SCN3A: variants seen among roughly 807,000 people sequenced by gnomAD.
SCN3A encodes sodium channel protein type 3 subunit alpha.
In SCN3A, 60 loss-of-function variants were observed where a neutral mutation model predicts 187.6. The observed-to-expected ratio is 0.32, with a 90% confidence interval of 0.26 to 0.40. SCN3A has a LOEUF of 0.40. Among genes scored for constraint, SCN3A ranks in the 10% least tolerant of loss-of-function variants. SCN3A has a pLI of 1.00. For missense variants in SCN3A, 1,601 were observed against 2,428.2 expected (o/e 0.66, Z 7.16); for synonymous variants, 788 against 829.2 (o/e 0.95, Z 0.85).
At chr2:165,095,727 G>A (rs918294331) in intron 24 of SCN3A, 79 bp from the exon 25 acceptor site, 39 of 850,666 alleles carry the variant, frequency 4.6e-5, no homozygotes, top group South Asian at 4.5e-4. Context: ...ATTGAGTGCT[G>A]TTACTTAATA....
In SCN3A at chr2:165,091,097, T is replaced by C; in HGVS notation, c.5056A>G (p.Ile1686Val). ...GTCTCAAAGTTGAACATGTCATCAA[T>C]TCCAGCTTCCTTTTTAACATAGGCA... is the stretch of plus-strand genomic sequence containing the variant. ...NFAYVKKEAGIDDMFNFETFG... is the reference protein window; with the variant it reads ...NFAYVKKEAGVDDMFNFETFG... The change falls in exon 28 of 28, where the codon ATT becomes GTT. Residue 1686 changes from isoleucine (I) to valine (V), a missense_variant. This residue lies in a region of SCN3A where 320 missense variants were observed against 623.2 expected (regional missense o/e 0.51). Transcript: ENST00000283254. 1 of 1,614,106 alleles carries C rather than the reference T, an allele frequency of 6.2e-7. No homozygotes were observed.
rs543406650 is a variant in SCN3A, at chr2:165,154,372, C to T, written c.1380+80G>A. ...TATAAAATGAAAAAGCAGTTCCAAT[C>T]TACCCTCTATAGTATAACACTATTT... On this transcript the variant is annotated intron_variant, in intron 11 of 27. Transcript: ENST00000283254. The T allele has an allele frequency of 4.3e-5, 63 of 1,454,176 alleles. No individual in the cohort carries two copies. The African/African-American group carries it at 7.1e-4, about 16-fold the overall frequency. The allele number at this position is 1,454,176 out of a possible 1,614,324, so 90.1% of individuals were successfully genotyped here. A position where few individuals can be genotyped will look rare whatever the true frequency, so the allele number is the denominator to read the frequency against.
chr2:165,198,211 G>T (rs913548091), intron 1 of SCN3A, among the ~76,000 whole-genome samples: 4 of 151,924 alleles, frequency 2.6e-5, no homozygotes, highest in Non-Finnish European at 5.9e-5. Flanking sequence ...AATCAATGCT[G>T]CTAAGTATTG....
chr2:165,099,805 T>A (rs780665793), intron 22 of SCN3A, among the ~76,000 whole-genome samples: 1 of 152,238 alleles, frequency 6.6e-6, no homozygotes, highest in Non-Finnish European at 1.5e-5. Flanking sequence ...GGATGTTATT[T>A]AGCAATTTGT....
intron 18 of SCN3A, among the ~76,000 whole-genome samples, chr2:165,124,029 T>G (rs1034705317): frequency 1.3e-5 from 2 of 152,104 alleles, no homozygotes; most frequent in Non-Finnish European, 2.9e-5. Flanking sequence ...TATAAAAATA[T>G]ATACCTTTAT....
intron 21 of SCN3A, 63 bp from the exon 22 acceptor site, chr2:165,100,487 G>A (rs1685553711): frequency 1.3e-6 from 2 of 1,538,052 alleles, no homozygotes; most frequent in Non-Finnish European, 1.8e-6. Context: ...GAAGGTATAG[G>A]GTGTGGTATC....
chr2:165,094,055 T>G, intron 26 of SCN3A: 1 of 347,740 alleles, frequency 2.9e-6, no homozygotes, highest in Non-Finnish European at 5.3e-6. Context: ...CCTTGGAGAG[T>G]GGGATGGGAA....
At chr2:165,120,713 A>AC (rs964442349) in intron 18 of SCN3A, among the ~76,000 whole-genome samples, 2 of 151,838 alleles carry the variant, frequency 1.3e-5, no homozygotes, top group African/African-American at 4.8e-5. Flanking sequence ...ATCTTGACTT[A>AC]TGATATTTCA....
At chr2:165,122,120 A>G (rs1686710515) in intron 18 of SCN3A, among the ~76,000 whole-genome samples, 1 of 151,966 alleles carries the variant, frequency 6.6e-6, no homozygotes, top group Non-Finnish European at 1.5e-5. Flanking sequence ...ACTTTTCCCA[A>G]CCTACATGAA....
intron 24 of SCN3A, among the ~76,000 whole-genome samples, chr2:165,095,979 G>A (rs1342436463): frequency 6.6e-6 from 1 of 152,096 alleles, no homozygotes; most frequent in Non-Finnish European, 1.5e-5. Context: ...TGGAAATGCT[G>A]AATTTTGGAA....
At chr2:165,096,397 T>C in intron 24 of SCN3A, 70 bp downstream of exon 24, 1 of 1,185,174 alleles carries the variant, frequency 8.4e-7, no homozygotes, top group South Asian at 1.2e-5. Flanking sequence ...GATGTATCAG[T>C]GTTTAAATTA....
intron 12 of SCN3A, among the ~76,000 whole-genome samples, chr2:165,142,907 A>T (rs1340479046): frequency 6.6e-6 from 1 of 152,092 alleles, no homozygotes; most frequent in African/African-American, 2.4e-5. Context: ...GCCCGCCACC[A>T]CACCTGGCTA....
intron 2 of SCN3A, among the ~76,000 whole-genome samples, chr2:165,177,728 A>G (rs1446520368): frequency 6.6e-6 from 1 of 152,200 alleles, no homozygotes; most frequent in African/African-American, 2.4e-5. Flanking sequence ...AGGGAAGGGA[A>G]CAAAAATCTA....
intron 11 of SCN3A, among the ~76,000 whole-genome samples, chr2:165,148,654 A>G (rs1271808914): frequency 1.3e-5 from 2 of 152,082 alleles, no homozygotes; most frequent in African/African-American, 4.8e-5. Context: ...TAACATATTT[A>G]TTTATATTAA....
intron 3 of SCN3A, among the ~76,000 whole-genome samples, chr2:165,171,091 G>A (rs1690075551): frequency 6.6e-6 from 1 of 151,940 alleles, no homozygotes; most frequent in African/African-American, 2.4e-5. Context: ...TGGATGCATT[G>A]AAATTTAGTC....
chr2:165,174,228 A>G (rs927660273), intron 3 of SCN3A, among the ~76,000 whole-genome samples: 5 of 152,140 alleles, frequency 3.3e-5, no homozygotes, highest in African/African-American at 4.8e-5. Context: ...TTTATTTACA[A>G]TGAGATACAT....
intron 20 of SCN3A, 30 bp from the exon 21 acceptor site, chr2:165,113,088 A>T: frequency 6.4e-7 from 1 of 1,558,046 alleles, no homozygotes; most frequent in South Asian, 1.1e-5. Flanking sequence ...TATTTTACTT[A>T]AATGGCTTGC....
intron 21 of SCN3A, 136 bp from the exon 22 acceptor site, chr2:165,100,560 G>A: frequency 1.2e-6 from 1 of 809,746 alleles, no homozygotes; most frequent in Non-Finnish European, 2.0e-6. Context: ...TCCACATAGT[G>A]GGGTCATCTT....
chr2:165,095,159 T>C (rs1275434045), intron 25 of SCN3A, among the ~76,000 whole-genome samples: 1 of 152,066 alleles, frequency 6.6e-6, no homozygotes, highest in Non-Finnish European at 1.5e-5. Context: ...GGTGACTATG[T>C]AGTAGGGAAA....
Sources: gnomAD v4.1 joint callset for allele counts (sites outside exome capture counted in the v4.1 genomes callset) on GRCh38, gnomAD v4.1.1 for gene constraint, gnomAD v4.1.1 regional missense constraint, MANE v1.5 for transcripts, NCBI Gene and HGNC (gene_info 2026-07-23, HGNC 2026-07-21) for gene names.